KLF8: variants seen among roughly 807,000 people sequenced by gnomAD.
The protein encoded by KLF8 is KLF transcription factor 8, also known as Krueppel-like factor 8.
A neutral mutation model predicts 18.2 loss-of-function variants in KLF8; 10 were observed. The observed-to-expected ratio is 0.55, with a 90% CI of 0.34 to 0.93. The LOEUF (loss-of-function observed/expected upper bound fraction) is 0.93, where lower values mean the gene tolerates loss of function less well. Among genes scored for constraint, KLF8 ranks in the 40% least tolerant of loss-of-function variants. The pLI, the probability that KLF8 is intolerant of heterozygous loss-of-function variation, is 0.02. For synonymous variants in KLF8, 109 were observed against 97.3 expected (o/e 1.12, Z -0.71); for missense variants, 264 against 277.9 (o/e 0.95, Z 0.36).
chrX:56,162,088 A>G, the KLF8 span, among the ~76,000 whole-genome samples: 1 of 111,649 alleles, frequency 9.0e-6, no homozygotes, highest in Non-Finnish European at 1.9e-5. Context: ...AACAGTTAAT[A>G]CTGGTGAGCA....
At chrX:56,249,244 T>C (rs1437436110) in intron 1 of KLF8, among the ~76,000 whole-genome samples, 1 of 112,476 alleles carries the variant, frequency 8.9e-6, no homozygotes, top group Non-Finnish European at 1.9e-5. Flanking sequence ...GGGGCTGCCA[T>C]GTAGTCAGAT....
chrX:55,941,773 T>G, the KLF8 span, among the ~76,000 whole-genome samples: 3 of 112,009 alleles, frequency 2.7e-5, no homozygotes, highest in Non-Finnish European at 5.6e-5. Context: ...AAAATGCTCA[T>G]CATCACTGGC....
the KLF8 span, among the ~76,000 whole-genome samples, chrX:56,179,938 T>A: frequency 2.8e-4 from 31 of 111,478 alleles, 1 homozygote; most frequent in Admixed American, 2.8e-3. Flanking sequence ...CAGGGATGTT[T>A]TTCTAAAATT....
At chrX:56,268,343 C>G (rs941094596) in intron 3 of KLF8, 1 of 111,209 alleles carries the variant, frequency 9.0e-6, no homozygotes, top group East Asian at 2.8e-4. Flanking sequence ...CCAGATCATA[C>G]GGTAGTTCTA....
At chrX:55,977,888 T>C in the KLF8 span, among the ~76,000 whole-genome samples, 1 of 110,493 alleles carries the variant, frequency 9.1e-6, no homozygotes, top group Admixed American at 9.7e-5. Context: ...CAAGGAGAGC[T>C]CTATCATTTT....
the KLF8 span, among the ~76,000 whole-genome samples, chrX:56,161,674 T>G: frequency 9.0e-6 from 1 of 111,619 alleles, no homozygotes; most frequent in Non-Finnish European, 1.9e-5. Context: ...TTCGTGTAAT[T>G]TTTTTTCAAG....
the KLF8 span, among the ~76,000 whole-genome samples, chrX:56,190,311 G>T: frequency 9.0e-6 from 1 of 110,621 alleles, no homozygotes; most frequent in Non-Finnish European, 1.9e-5. Context: ...GTCCAACACT[G>T]GAGCACTCAG....
At chrX:55,977,260 A>G in the KLF8 span, among the ~76,000 whole-genome samples, 3 of 111,729 alleles carry the variant, frequency 2.7e-5, no homozygotes, top group Non-Finnish European at 5.6e-5. Flanking sequence ...TGGGCTTGCT[A>G]TATATGCCTT....
At position 56,289,747 on chromosome X, in the gene KLF8, A is replaced by G. The variant is rs2067304343; in HGVS notation, c.*5253A>G. 9.0e-6 allele frequency among the ~76,000 whole-genome samples: 1 copy of G among 111,536 alleles called. No individual in the cohort carries two copies. The highest frequency in any genetic ancestry group is 3.8e-4 in the South Asian group (1 of 2,658). On this transcript the variant is annotated 3_prime_UTR_variant, in exon 6 of 6. Transcript: ENST00000468660. ...AGCAGTATCTGAATTGTTAACCTGT[A>G]TACCCATGGGAAACAACTTTATCAA...
chrX:56,270,400 G>A, intron 5 of KLF8, 79 bp downstream of exon 5: 2 of 993,903 alleles, frequency 2.0e-6, no homozygotes, highest in Non-Finnish European at 2.6e-6. Flanking sequence ...GAGAGAGAGA[G>A]GGGCAGAGAG....
chrX:55,941,916 G>A, the KLF8 span, among the ~76,000 whole-genome samples: 2 of 111,662 alleles, frequency 1.8e-5, no homozygotes, highest in East Asian at 5.6e-4. Context: ...TACACTGTTG[G>A]TGGGATTGTA....
At chrX:55,988,986 T>C in the KLF8 span, among the ~76,000 whole-genome samples, 2 of 111,990 alleles carry the variant, frequency 1.8e-5, no homozygotes, top group East Asian at 2.8e-4. Flanking sequence ...AGTTCACTCA[T>C]GATTTGGCTC....
chrX:56,130,623 T>A, the KLF8 span, among the ~76,000 whole-genome samples: 1 of 111,056 alleles, frequency 9.0e-6, no homozygotes. Flanking sequence ...CCAGTTACAC[T>A]AACTCACCAG....
At position 56,290,177 on chromosome X, in the gene KLF8, G is replaced by C. The variant is rs2067308256; in HGVS notation, c.*5683G>C. The stretch of plus-strand genomic sequence containing the variant: ...CCCAGATCTCACTTGGTTGACCTTA[G>C]GCAAGTCATATCACCTCTCTGTGCC... On this transcript the variant is annotated 3_prime_UTR_variant, in exon 6 of 6. Coordinates refer to ENST00000468660, the MANE Select transcript of KLF8 (RefSeq NM_007250.5). Among the ~76,000 whole-genome samples, 1 of 111,649 alleles carries C rather than the reference G, an allele frequency of 9.0e-6. No individual in the cohort carries two copies.
At chrX:56,268,235 C>T (rs2066996647) in intron 3 of KLF8, 1 of 111,603 alleles carries the variant, frequency 9.0e-6, no homozygotes, top group African/African-American at 3.3e-5. Context: ...GGTTCCACAT[C>T]TTGGCTGTTG....
chrX:56,185,861 G>C, the KLF8 span, among the ~76,000 whole-genome samples: 2 of 111,642 alleles, frequency 1.8e-5, no homozygotes, highest in South Asian at 3.7e-4. Flanking sequence ...CCCTAAAAGA[G>C]ATCCTGAAGG....
chrX:56,182,768 G>C, the KLF8 span, among the ~76,000 whole-genome samples: 1 of 112,789 alleles, frequency 8.9e-6, no homozygotes, highest in Non-Finnish European at 1.9e-5. Context: ...ATTACCAGCA[G>C]AGGCTGCAGA....
the KLF8 span, among the ~76,000 whole-genome samples, chrX:56,049,584 T>C: frequency 1.9e-5 from 2 of 103,643 alleles, no homozygotes; most frequent in African/African-American, 3.6e-5. Flanking sequence ...GATTTGCGTA[T>C]ATTGAACCAG....
the KLF8 span, among the ~76,000 whole-genome samples, chrX:56,202,424 C>A: frequency 2.7e-5 from 3 of 111,144 alleles, no homozygotes; most frequent in Admixed American, 9.6e-5. Flanking sequence ...CTTTGAGTTA[C>A]AAACAATCCA....
Sources: allele counts gnomAD v4.1 joint callset (sites outside exome capture counted in the v4.1 genomes callset), GRCh38; gene constraint gnomAD v4.1.1; transcripts MANE v1.5; gene names NCBI Gene and HGNC (gene_info 2026-07-23, HGNC 2026-07-21).